Variants in ABHD17C observed in about 807,000 individuals in gnomAD.
ABHD17C encodes the protein abhydrolase domain containing 17C, depalmitoylase.
A neutral mutation model predicts 27.9 loss-of-function variants in ABHD17C; 11 were observed. That is an observed-to-expected ratio of 0.39 (90% CI 0.25 to 0.65). ABHD17C has a LOEUF of 0.65. ABHD17C is among the 30% of genes least tolerant of loss of function. The pLI, the probability that ABHD17C is intolerant of heterozygous loss-of-function variation, is 0.45. For synonymous variants in ABHD17C, 233 were observed against 209.1 expected (o/e 1.11, Z -0.98); for missense variants, 280 against 470.2 (o/e 0.60, Z 3.74).
intron 1 of ABHD17C, among the ~76,000 whole-genome samples, chr15:80,736,055 C>T (rs543812429): frequency 1.3e-5 from 2 of 152,094 alleles, no homozygotes; most frequent in East Asian, 1.9e-4. Context: ...TATAAATGAC[C>T]CTTTTAATCA....
At chr15:80,725,003 T>G (rs12903231) in intron 1 of ABHD17C, among the ~76,000 whole-genome samples, 1 of 152,122 alleles carries the variant, frequency 6.6e-6, no homozygotes, top group Non-Finnish European at 1.5e-5. Context: ...ACCACTGTTG[T>G]TATGTTTTTA....
chr15:80,739,284 ACT>A, intron 1 of ABHD17C, among the ~76,000 whole-genome samples: 1 of 152,200 alleles, frequency 6.6e-6, no homozygotes, highest in East Asian at 1.9e-4. Context: ...TTTCATCCTG[ACT>A]GCCAGGTTCC....
chr15:80,736,299 A>G lies in ABHD17C; in HGVS notation c.591-13214A>G, dbSNP rs569405733. 4.6e-5 allele frequency among the ~76,000 whole-genome samples: 7 copies of G among 152,346 alleles called. No homozygotes were observed. The East Asian group carries it at 7.7e-4, about 17-fold the overall frequency. On this transcript the variant is annotated intron_variant, in intron 1 of 2. Coordinates refer to ENST00000258884, the MANE Select transcript of ABHD17C (RefSeq NM_021214.2). Reference sequence around the variant, plus strand: ...TTTTTTTTGACAGTTCCTCAAAACAAAGTTGTATTTTAAGGAACAATAAGT... The same window carrying G: ...TTTTTTTTGACAGTTCCTCAAAACAGAGTTGTATTTTAAGGAACAATAAGT...
chr15:80,717,574 AGTAT>A (rs1160974672), intron 1 of ABHD17C, among the ~76,000 whole-genome samples: 1 of 152,040 alleles, frequency 6.6e-6, no homozygotes, highest in Non-Finnish European at 1.5e-5. Flanking sequence ...TTGTATCTTT[AGTAT>A]TTTCATCATG....
At chr15:80,744,404 C>T (rs183847751) in intron 1 of ABHD17C, among the ~76,000 whole-genome samples, 111 of 152,258 alleles carry the variant, frequency 7.3e-4, no homozygotes, top group African/African-American at 2.6e-3. Flanking sequence ...GTTGTCCTCA[C>T]CTGCTAAAAC....
intron 1 of ABHD17C, among the ~76,000 whole-genome samples, chr15:80,728,206 T>C (rs12910527): frequency 0.011 from 1,731 of 152,290 alleles, 11 homozygotes; most frequent in Non-Finnish European, 0.017. Flanking sequence ...CCACGTGCCT[T>C]CTAATAATGA....
At position 80,754,145 on chromosome 15, in the gene ABHD17C, T is replaced by C; in HGVS notation, c.771-6T>C. 1 of 1,611,826 alleles carries C rather than the reference T, an allele frequency of 6.2e-7. No individual in the cohort carries two copies. The highest frequency in any genetic ancestry group is 8.5e-7 in the Non-Finnish European group (1 of 1,177,992). On this transcript the variant is annotated splice_region_variant and splice_polypyrimidine_tract_variant and intron_variant, in intron 2 of 2. Coordinates refer to ENST00000258884, the MANE Select transcript of ABHD17C (RefSeq NM_021214.2). ...TCTTTCTGCCTCCCCCCTTTCTGTTTTGCAGCATTGACAAGATATCTAAAG... is the reference window on the plus strand; with the variant it reads ...TCTTTCTGCCTCCCCCCTTTCTGTTCTGCAGCATTGACAAGATATCTAAAG...
chr15:80,699,636 C>A (rs1418899374), intron 1 of ABHD17C, among the ~76,000 whole-genome samples: 1 of 152,178 alleles, frequency 6.6e-6, no homozygotes, highest in African/African-American at 2.4e-5. Flanking sequence ...GTAAATACTA[C>A]CAGTGTGCAG....
At chr15:80,698,199 G>A (rs527997102) in intron 1 of ABHD17C, among the ~76,000 whole-genome samples, 1 of 151,402 alleles carries the variant, frequency 6.6e-6, no homozygotes. Flanking sequence ...CGAGTAGCTG[G>A]GACTACAGGC....
chr15:80,747,874 G>A (rs1004368732), intron 1 of ABHD17C, among the ~76,000 whole-genome samples: 11 of 152,226 alleles, frequency 7.2e-5, no homozygotes, highest in Admixed American at 5.9e-4. Flanking sequence ...TTTTCATGCT[G>A]TCATCTCCTG....
At chr15:80,698,648 C>T (rs1316782123) in intron 1 of ABHD17C, among the ~76,000 whole-genome samples, 1 of 152,218 alleles carries the variant, frequency 6.6e-6, no homozygotes, top group African/African-American at 2.4e-5. Context: ...AGCCCCTCAA[C>T]CACTTTCCTC....
chr15:80,710,682 GAA>G (rs1894717214), intron 1 of ABHD17C, among the ~76,000 whole-genome samples: 1 of 152,160 alleles, frequency 6.6e-6, no homozygotes, highest in Non-Finnish European at 1.5e-5. Context: ...TTTGGCTTGA[GAA>G]ACAGGAAAAC....
intron 2 of ABHD17C, among the ~76,000 whole-genome samples, chr15:80,753,074 T>C (rs1895385308): frequency 6.6e-6 from 1 of 152,214 alleles, no homozygotes; most frequent in Non-Finnish European, 1.5e-5. Context: ...ATTCTGATGG[T>C]AGCTTTCAGA....
intron 1 of ABHD17C, among the ~76,000 whole-genome samples, chr15:80,720,646 C>T (rs1015036763): frequency 5.3e-5 from 8 of 152,048 alleles, no homozygotes; most frequent in Non-Finnish European, 1.0e-4. Context: ...AATGGCCGGA[C>T]GCAGTGGCTC....
intron 1 of ABHD17C, among the ~76,000 whole-genome samples, chr15:80,746,344 A>C (rs1895283655): frequency 6.6e-6 from 1 of 151,846 alleles, no homozygotes; most frequent in African/African-American, 2.4e-5. Context: ...TCTGTGGCAA[A>C]TATATTTTCC....
At chr15:80,712,769 G>A (rs1894744344) in intron 1 of ABHD17C, among the ~76,000 whole-genome samples, 1 of 152,180 alleles carries the variant, frequency 6.6e-6, no homozygotes, top group Non-Finnish European at 1.5e-5. Context: ...AGTGTCACTT[G>A]ATAATGAAAA....
At chr15:80,719,385 C>T (rs1222337889) in intron 1 of ABHD17C, among the ~76,000 whole-genome samples, 6 of 152,120 alleles carry the variant, frequency 3.9e-5, no homozygotes, top group Admixed American at 6.5e-5. Flanking sequence ...AGCTTTATTT[C>T]TTCTTCTGTC....
At position 80,710,470 on chromosome 15, in the gene ABHD17C, A is replaced by T. The variant is rs548831640; in HGVS notation, c.590+14451A>T. Among the ~76,000 whole-genome samples the T allele has an allele frequency of 5.9e-5, 9 of 152,300 alleles. No homozygotes were observed. In the East Asian group the frequency reaches 1.5e-3, roughly 26 times the overall value. ...TCACTCTGTGTTAATGACAAATTGG[A>T]GGAGCTGATATGTCGAGGGAGGAAG... is the stretch of plus-strand genomic sequence containing the variant. On this transcript the variant is annotated intron_variant, in intron 1 of 2. Transcript: ENST00000258884.
rs139001943 is a variant in ABHD17C at position 80,742,809 on chromosome 15, G to A, written c.591-6704G>A. On this transcript the variant is annotated intron_variant, in intron 1 of 2. Transcript: ENST00000258884. The stretch of plus-strand genomic sequence containing the variant: ...AGGGGCAGGAGGAGGAACCAAGAGT[G>A]ACTCCGGGTCTCAGAGGCCTAGGAA... Among the ~76,000 whole-genome samples the A allele has an allele frequency of 5.6e-3, 859 of 152,278 alleles. 2 individuals are homozygous for A. Among genetic ancestry groups the A allele is most frequent in the Non-Finnish European group, 9.5e-3 (646 of 68,014 alleles).
Sources: gnomAD v4.1 joint callset for allele counts (sites outside exome capture counted in the v4.1 genomes callset) on GRCh38, gnomAD v4.1.1 for gene constraint, MANE v1.5 for transcripts, NCBI Gene and HGNC (gene_info 2026-07-23, HGNC 2026-07-21) for gene names.